The following SLC25A31 variants were observed in gnomAD, a reference collection of about 807,000 sequenced individuals.
The protein encoded by SLC25A31 is solute carrier family 25 member 31.
A neutral mutation model predicts 36.2 loss-of-function variants in SLC25A31; 40 were observed. The observed-to-expected ratio is 1.10, with a 90% CI of 0.86 to 1.44. The LOEUF is 1.44. Ranked by LOEUF, SLC25A31 falls within the 40% of genes most tolerant of loss-of-function variation. SLC25A31 has a pLI of 0.00. For missense variants in SLC25A31, 350 were observed against 397.1 expected, an observed-to-expected ratio of 0.88 and a Z score of 1.01; for synonymous variants, 143 against 149.7, an observed-to-expected ratio of 0.96 and a Z score of 0.32.
intron 5 of SLC25A31, among the ~76,000 whole-genome samples, chr4:127,772,220 A>G (rs1732377534): frequency 1.3e-5 from 2 of 152,240 alleles, no homozygotes; most frequent in South Asian, 4.1e-4. Flanking sequence ...TTTCTTTATG[A>G]GAAGATATTC....
chr4:127,771,408 A>G (rs1732358454), intron 5 of SLC25A31, among the ~76,000 whole-genome samples: 1 of 152,188 alleles, frequency 6.6e-6, no homozygotes, highest in African/African-American at 2.4e-5. Flanking sequence ...GATTTTAACA[A>G]TTCAGCCCAT....
intron 1 of SLC25A31, among the ~76,000 whole-genome samples, chr4:127,738,928 C>G (rs1266158174): frequency 1.3e-5 from 2 of 152,086 alleles, no homozygotes; most frequent in African/African-American, 4.8e-5. Flanking sequence ...ATAATGACCC[C>G]TGCTCTTTTT....
intron 5 of SLC25A31, among the ~76,000 whole-genome samples, chr4:127,770,251 G>A (rs1292688006): frequency 6.6e-6 from 1 of 152,164 alleles, no homozygotes; most frequent in Non-Finnish European, 1.5e-5. Context: ...TATGGATTGG[G>A]TCAGTGGTAT....
chr4:127,749,268 C>T (rs1731879736), intron 2 of SLC25A31, among the ~76,000 whole-genome samples: 2 of 152,064 alleles, frequency 1.3e-5, no homozygotes, highest in South Asian at 4.1e-4. Context: ...GCATAAGGAA[C>T]CTATGAGACA....
At chr4:127,736,974 C>G (rs773410150) in intron 1 of SLC25A31, among the ~76,000 whole-genome samples, 1 of 152,150 alleles carries the variant, frequency 6.6e-6, no homozygotes, top group African/African-American at 2.4e-5. Flanking sequence ...TGAATTAAAA[C>G]GCTGAAACCT....
chr4:127,746,940 G>T (rs987861380), intron 2 of SLC25A31, among the ~76,000 whole-genome samples: 1 of 152,020 alleles, frequency 6.6e-6, no homozygotes, highest in African/African-American at 2.4e-5. Flanking sequence ...ATCTTGGGTT[G>T]ATTTTTATAT....
At chr4:127,773,141 G>A (rs1321452375) in intron 5 of SLC25A31, among the ~76,000 whole-genome samples, 2 of 152,064 alleles carry the variant, frequency 1.3e-5, no homozygotes, top group Non-Finnish European at 2.9e-5. Flanking sequence ...GCTGTGAGAG[G>A]ATAAATCATG....
intron 1 of SLC25A31, among the ~76,000 whole-genome samples, chr4:127,737,955 AT>A (rs1731665206): frequency 8.2e-5 from 2 of 24,426 alleles, no homozygotes; most frequent in South Asian, 2.6e-3. Context: ...AACCCATAAT[AT>A]CTCATACCAG....
intron 1 of SLC25A31, among the ~76,000 whole-genome samples, chr4:127,737,951 TAA>T (rs2148753660): frequency 1.1e-5 from 1 of 93,976 alleles, no homozygotes; most frequent in Non-Finnish European, 2.5e-5. Context: ...CTGAAACCCA[TAA>T]TATCTCATAC....
At chr4:127,752,407 C>T (rs1449228642) in intron 2 of SLC25A31, among the ~76,000 whole-genome samples, 8 of 146,052 alleles carry the variant, frequency 5.5e-5, no homozygotes, top group Admixed American at 2.7e-4. Flanking sequence ...CATCACACAC[C>T]GGGGCCTGTT....
chr4:127,741,959 T>C (rs7654638), intron 1 of SLC25A31, among the ~76,000 whole-genome samples: 99,338 of 151,928 alleles, frequency 0.65, 32,931 homozygotes, highest in Middle Eastern at 0.8. Context: ...TATTACTGTA[T>C]GTTAGTGGTA....
chr4:127,731,469 G>A (rs146747194), intron 1 of SLC25A31, among the ~76,000 whole-genome samples: 39 of 152,208 alleles, frequency 2.6e-4, no homozygotes, highest in African/African-American at 8.9e-4. Flanking sequence ...TTGGAAGGCC[G>A]AGGCGGGCGG....
intron 1 of SLC25A31, among the ~76,000 whole-genome samples, chr4:127,740,773 C>G (rs939594129): frequency 6.6e-6 from 1 of 152,142 alleles, no homozygotes; most frequent in African/African-American, 2.4e-5. Context: ...GCTGCCAATG[C>G]AGGTGAGCAG....
chr4:127,752,076 C>A (rs1443464641), intron 2 of SLC25A31, among the ~76,000 whole-genome samples: 1 of 152,176 alleles, frequency 6.6e-6, no homozygotes, highest in East Asian at 1.9e-4. Context: ...TGAGTATATA[C>A]CCAAAGGATT....
intron 3 of SLC25A31, among the ~76,000 whole-genome samples, chr4:127,765,943 T>G (rs1297592375): frequency 6.6e-6 from 1 of 152,112 alleles, no homozygotes; most frequent in Non-Finnish European, 1.5e-5. Flanking sequence ...TCAGGAAGAT[T>G]TAGTTTATTT....
chr4:127,737,475 T>A (rs764787200), intron 1 of SLC25A31, among the ~76,000 whole-genome samples: 1 of 152,248 alleles, frequency 6.6e-6, no homozygotes, highest in Non-Finnish European at 1.5e-5. Flanking sequence ...GGTCTCATGT[T>A]AGTTTCCAGA....
At chr4:127,732,490 A>G (rs1309685297) in intron 1 of SLC25A31, among the ~76,000 whole-genome samples, 2 of 152,152 alleles carry the variant, frequency 1.3e-5, no homozygotes, top group Non-Finnish European at 2.9e-5. Flanking sequence ...ATATTCTAAG[A>G]CTTCTGAAGA....
intron 2 of SLC25A31, among the ~76,000 whole-genome samples, chr4:127,751,776 C>T (rs1441523301): frequency 6.6e-6 from 1 of 152,164 alleles, no homozygotes; most frequent in Non-Finnish European, 1.5e-5. Flanking sequence ...ACAGACACTT[C>T]TCAAAAGAAG....
intron 1 of SLC25A31, among the ~76,000 whole-genome samples, chr4:127,737,583 C>T (rs1296214507): frequency 6.6e-6 from 1 of 151,434 alleles, no homozygotes; most frequent in African/African-American, 2.4e-5. Context: ...TAGATAGGGT[C>T]CTGCTCCATC....
Sources: gnomAD v4.1 joint callset for allele counts (sites outside exome capture counted in the v4.1 genomes callset) on GRCh38, gnomAD v4.1.1 for gene constraint, MANE v1.5 for transcripts, NCBI Gene and HGNC (gene_info 2026-07-23, HGNC 2026-07-21) for gene names.